The following SENP6 variants were observed in gnomAD, a reference collection of about 807,000 sequenced individuals.
SENP6 encodes sentrin-specific protease 6.
SENP6 carries 41 observed loss-of-function variants against 134.5 expected under a neutral mutation model. That is an observed-to-expected ratio of 0.30 (90% confidence interval 0.24 to 0.40). SENP6 has a LOEUF of 0.40. Among genes scored for constraint, SENP6 ranks in the 10% least tolerant of loss-of-function variants. The pLI, the probability that SENP6 is intolerant of heterozygous loss-of-function variation, is 1.00. For missense variants in SENP6, 1,248 were observed against 1,312.5 expected (o/e 0.95, Z 0.76); for synonymous variants, 395 against 429.8 (o/e 0.92, Z 1.00).
intron 1 of SENP6, among the ~76,000 whole-genome samples, chr6:75,612,630 A>T (rs187750429): frequency 2.6e-5 from 4 of 152,296 alleles, no homozygotes; most frequent in Non-Finnish European, 4.4e-5. Flanking sequence ...TGATAACCCC[A>T]TGAGACGTAG....
At chr6:75,630,907 G>T (rs889844523) in intron 3 of SENP6, among the ~76,000 whole-genome samples, 2 of 150,870 alleles carry the variant, frequency 1.3e-5, no homozygotes, top group South Asian at 2.1e-4. Context: ...AAAAAAAATG[G>T]CTAATGGAAT....
chr6:75,701,077 C>G (rs972278919), intron 18 of SENP6, among the ~76,000 whole-genome samples: 1 of 152,180 alleles, frequency 6.6e-6, no homozygotes, highest in African/African-American at 2.4e-5. Flanking sequence ...AGTGCTGTTT[C>G]TTAGTACTAA....
chr6:75,677,072 T>C lies in SENP6; in HGVS notation c.1664T>C (p.Leu555Pro). 1 of 1,596,142 alleles carries C rather than the reference T, an allele frequency of 6.3e-7. No individual in the cohort carries two copies. The highest frequency in any genetic ancestry group is 8.6e-7 in the Non-Finnish European group (1 of 1,165,136). ...ATAATTTTAATTTTTCAAAATGGCC[T>C]TGATCCTCCGGCAAATATGGTATTT... ...QYIILIFQNGLDPPANMVFES... is the reference protein window; with the variant it reads ...QYIILIFQNGPDPPANMVFES... Residue 555 changes from leucine to proline, a missense_variant, in exon 14 of 24, where the codon CTT (leucine) becomes CCT (proline). Leu to Pro is a moderately conservative substitution (Grantham distance 98). This residue lies in a region of SENP6 where 733 missense variants were observed against 725.4 expected (regional missense o/e 1.01). Transcript: ENST00000447266.
intron 8 of SENP6, 76 bp from the exon 9 acceptor site, chr6:75,663,145 C>G: frequency 4.5e-6 from 6 of 1,339,560 alleles, no homozygotes; most frequent in Non-Finnish European, 6.3e-6. Context: ...TTTATGAACA[C>G]CGTGAATGTT....
intron 7 of SENP6, among the ~76,000 whole-genome samples, chr6:75,649,544 G>A (rs1423639130): frequency 6.6e-6 from 1 of 152,106 alleles, no homozygotes; most frequent in Non-Finnish European, 1.5e-5. Flanking sequence ...TTGAGATGGG[G>A]TCTCACTCTG....
chr6:75,648,209 A>T (rs1246540903), intron 7 of SENP6, among the ~76,000 whole-genome samples: 1 of 152,192 alleles, frequency 6.6e-6, no homozygotes, highest in Non-Finnish European at 1.5e-5. Context: ...ACCTGCTAAA[A>T]CTGTGTTAAT....
At chr6:75,702,605 T>C in intron 18 of SENP6, 40 bp from the exon 19 acceptor site, 1 of 1,490,430 alleles carries the variant, frequency 6.7e-7, no homozygotes, top group Non-Finnish European at 9.0e-7. Flanking sequence ...TAATAAACTT[T>C]TCTAATAACA....
chr6:75,628,818 C>G (rs767294826), intron 3 of SENP6, among the ~76,000 whole-genome samples: 2 of 152,080 alleles, frequency 1.3e-5, no homozygotes, highest in Non-Finnish European at 2.9e-5. Context: ...CTCCTAGGCT[C>G]AAGCGATCCT....
intron 7 of SENP6, 22 bp downstream of exon 7, chr6:75,647,823 A>G: frequency 6.3e-7 from 1 of 1,580,088 alleles, no homozygotes; most frequent in East Asian, 2.2e-5. Flanking sequence ...GTTTTGTTAC[A>G]CCTGTGAAGG....
At position 75,663,387 on chromosome 6, in the gene SENP6, T is replaced by C. The variant is rs1300703493; in HGVS notation, c.863T>C (p.Ile288Thr). 1.2e-6 allele frequency: 2 copies of C among 1,613,674 alleles called. No individual in the cohort carries two copies. Among genetic ancestry groups the C allele is most frequent in the African/African-American group, 1.3e-5 (1 of 74,890 alleles). The change falls in exon 9 of 24, where the codon ATT becomes ACT. Residue 288 changes from isoleucine to threonine, a missense_variant. Around this residue, in one of 3 missense-constraint regions of SENP6, gnomAD observed 733 missense variants for 725.4 expected, o/e 1.01. Transcript: ENST00000447266. ...NNVEKVPIDI[I>T]VNCDDSKHTY... ...GTGGAAAAGGTTCCAATTGATATTA[T>C]TGTGAATTGTGATGACAGTAAACAC...
At chr6:75,639,327 G>T (rs1769849780) in intron 5 of SENP6, among the ~76,000 whole-genome samples, 1 of 152,006 alleles carries the variant, frequency 6.6e-6, no homozygotes, top group Non-Finnish European at 1.5e-5. Flanking sequence ...TAGTAGCAAA[G>T]ATAAAATTTC....
intron 16 of SENP6, among the ~76,000 whole-genome samples, chr6:75,681,613 C>T (rs1773470614): frequency 1.3e-5 from 2 of 152,050 alleles, no homozygotes; most frequent in African/African-American, 4.8e-5. Flanking sequence ...TACTCACCAC[C>T]ACACCCAGCT....
At chr6:75,605,970 A>C (rs1222843290) in intron 1 of SENP6, among the ~76,000 whole-genome samples, 2 of 152,164 alleles carry the variant, frequency 1.3e-5, no homozygotes, top group Non-Finnish European at 1.5e-5. Context: ...GTTTGGATGT[A>C]GAGCTTACAG....
chr6:75,652,038 A>G (rs984838288), intron 7 of SENP6, among the ~76,000 whole-genome samples: 3 of 151,876 alleles, frequency 2.0e-5, no homozygotes, highest in Non-Finnish European at 4.4e-5. Context: ...TTAGCCGGGT[A>G]TAGTGGCGTG....
At chr6:75,698,012 C>T (rs977650859) in intron 18 of SENP6, 1 of 152,580 alleles carries the variant, frequency 6.6e-6, no homozygotes, top group Admixed American at 6.5e-5. Context: ...ATTATTCTCT[C>T]CCAATGACTA....
rs1582810240 is a variant in SENP6 at position 75,666,226 on chromosome 6, TATAA to T, written c.995-484_995-481del. 4.9e-5 allele frequency among the ~76,000 whole-genome samples: 7 copies of T among 143,474 alleles called. No individual in the cohort carries two copies. In the South Asian group the frequency reaches 8.7e-4, roughly 18 times the overall value. 94.1% of individuals were successfully genotyped at this position (143,474 alleles called of 152,430 possible). Reference sequence around the variant, plus strand: ...ATATGATATATATAAGTATGATATATATAAAATATGATATATAAAATATATATAC... The same window carrying T: ...ATATGATATATATAAGTATGATATATAATATGATATATAAAATATATATAC... On this transcript the variant is annotated intron_variant, in intron 9 of 23. Transcript: ENST00000447266.
At chr6:75,699,626 T>G (rs1030770367) in intron 18 of SENP6, among the ~76,000 whole-genome samples, 1 of 151,906 alleles carries the variant, frequency 6.6e-6, no homozygotes, top group Non-Finnish European at 1.5e-5. Flanking sequence ...TAGCTGGGAC[T>G]ATAGGTGCAT....
intron 6 of SENP6, among the ~76,000 whole-genome samples, chr6:75,643,391 G>T (rs1480651297): frequency 6.6e-6 from 1 of 152,196 alleles, no homozygotes; most frequent in Non-Finnish European, 1.5e-5. Context: ...AGCATGAGTG[G>T]AATTTTAATT....
intron 7 of SENP6, among the ~76,000 whole-genome samples, chr6:75,650,916 A>G (rs914545064): frequency 1.3e-5 from 2 of 152,200 alleles, no homozygotes; most frequent in African/African-American, 4.8e-5. Flanking sequence ...TTAACACTCA[A>G]GGTGATTTTC....
Sources: allele counts gnomAD v4.1 joint callset (sites outside exome capture counted in the v4.1 genomes callset), GRCh38; gene constraint gnomAD v4.1.1; regional missense constraint gnomAD v4.1.1; transcripts MANE v1.5; gene names NCBI Gene and HGNC (gene_info 2026-07-23, HGNC 2026-07-21).